HMCN2: variants seen among roughly 807,000 people sequenced by gnomAD.
HMCN2 encodes hemicentin 2, also known as hemicentin-2.
HMCN2 carries 325 observed loss-of-function variants against 377.5 expected under a neutral mutation model. The ratio of observed to expected loss-of-function variants is 0.86; its 90% CI spans 0.79 to 0.94. The LOEUF (loss-of-function observed/expected upper bound fraction) is 0.94. HMCN2 is among the 40% of genes least tolerant of loss of function. HMCN2 has a pLI of 0.00. For synonymous variants in HMCN2, 2,007 were observed against 2,046.8 expected, an observed-to-expected ratio of 0.98 and a Z score of 0.53; for missense variants, 4,543 against 4,725.3, an observed-to-expected ratio of 0.96 and a Z score of 1.13.
rs1331509128 is a variant in HMCN2, at chr9:130,271,973, A to T, written c.259+5836A>T. Among the ~76,000 whole-genome samples the T allele has an allele frequency of 2.7e-5, 4 of 149,224 alleles. No homozygotes were observed. In the Admixed American group the frequency reaches 2.7e-4, roughly 10 times the overall value. ...ATGTATTAGGTATATGGAGAGTCAA[A>T]CCTCTTCCTGTTCCTTATCTAGAAC... is the stretch of plus-strand genomic sequence containing the variant. On this transcript the variant is annotated intron_variant, in intron 1 of 97. Coordinates refer to ENST00000683500, the MANE Select transcript of HMCN2 (RefSeq NM_001291815.2).
In HMCN2 at chr9:130,357,954, G is replaced by A. The variant is rs1219761135; in HGVS notation, c.5546G>A (p.Gly1849Asp). ...PTPSLRWWKD[G>D]VALAAFGGNL... ...CCAAGCCTCCGTTGGTGGAAGGATGGTGTAGCCCTGGCAGCCTTTGGGGGG... is the reference window on the plus strand; with the variant it reads ...CCAAGCCTCCGTTGGTGGAAGGATGATGTAGCCCTGGCAGCCTTTGGGGGG... The change falls in exon 35 of 98, where the codon GGT (glycine) becomes GAT (aspartate). Residue 1849 changes from glycine to aspartate, a missense_variant. Gly to Asp is a moderately conservative substitution (Grantham distance 94, BLOSUM62 -1). This residue lies in a region of HMCN2 where 1,032 missense variants were observed against 1,285.1 expected (regional missense o/e 0.80). Coordinates refer to ENST00000683500, the MANE Select transcript of HMCN2 (RefSeq NM_001291815.2). 14 of 1,304,188 alleles carry A rather than the reference G, an allele frequency of 1.1e-5. No homozygotes were observed. The Admixed American group carries it at 2.1e-4, about 19-fold the overall frequency. The allele number at this position is 1,304,188 out of a possible 1,614,324, so 80.8% of individuals were successfully genotyped here. A position where few individuals can be genotyped will look rare whatever the true frequency, so the allele number is the denominator to read the frequency against.
At chr9:130,305,301 C>T (rs1268999763) in intron 11 of HMCN2, among the ~76,000 whole-genome samples, 2 of 152,124 alleles carry the variant, frequency 1.3e-5, no homozygotes, top group Non-Finnish European at 2.9e-5. Context: ...TCCATTGTTC[C>T]CCACTCCCCA....
At chr9:130,336,311 T>C (rs1838745404) in intron 22 of HMCN2, among the ~76,000 whole-genome samples, 1 of 152,232 alleles carries the variant, frequency 6.6e-6, no homozygotes, top group Non-Finnish European at 1.5e-5. Flanking sequence ...GTGATATAGC[T>C]CGTGATGCAA....
In HMCN2 at chr9:130,395,254, C is replaced by G. The variant is rs757269886; in HGVS notation, c.10818C>G (p.Val3606=). ...IVGPRGPRFV[V]GLAPGQLVLE... is the part of the protein sequence containing the mutation. ...GGCCCCGAGGCCCCCGCTTTGTGGT[C>G]GGCCTGGCCCCAGGGCAGCTGGTCC... The change falls in exon 71 of 98, where the codon GTC becomes GTG. Residue 3606 remains valine, a synonymous_variant. Coordinates refer to ENST00000683500, the MANE Select transcript of HMCN2 (RefSeq NM_001291815.2). 1 of 1,289,526 alleles carries G rather than the reference C, an allele frequency of 7.8e-7. No homozygotes were observed. The highest frequency in any genetic ancestry group is 2.3e-5 in the Admixed American group (1 of 43,544). The allele number at this position is 1,289,526 out of a possible 1,614,324, so 79.9% of individuals were successfully genotyped here.
intron 41 of HMCN2, among the ~76,000 whole-genome samples, chr9:130,365,231 CTG>C (rs1305486500): frequency 6.6e-6 from 1 of 152,272 alleles, no homozygotes; most frequent in African/African-American, 2.4e-5. Context: ...ATGTCAGGAT[CTG>C]AGCCCTGAGG....
intron 59 of HMCN2, among the ~76,000 whole-genome samples, chr9:130,385,253 G>A (rs894962877): frequency 6.6e-6 from 1 of 152,092 alleles, no homozygotes; most frequent in Non-Finnish European, 1.5e-5. Flanking sequence ...AACGGGCCTC[G>A]ACAGAGAGCT....
intron 85 of HMCN2, among the ~76,000 whole-genome samples, chr9:130,413,433 TA>T (rs1217886837): frequency 6.6e-6 from 1 of 152,208 alleles, no homozygotes; most frequent in Non-Finnish European, 1.5e-5. Flanking sequence ...CTTTTGTACC[TA>T]GTGTGTTGAG....
rs78504489 is a variant in HMCN2, at chr9:130,393,005, A to G, written c.10137-207A>G. ...AGTGAGACACCATCTCACCATCTCA[A>G]AAAAAAAAAAGAAAAAGAGAGAGTT... On this transcript the variant is annotated intron_variant, in intron 66 of 97. Transcript: ENST00000683500. This position sits in a 1 kb window ranked among gnomAD's most constrained non-coding sequence, Gnocchi z 5.2. Among the ~76,000 whole-genome samples, 1 of 148,894 alleles carries G rather than the reference A, an allele frequency of 6.7e-6. No individual in the cohort carries two copies. Among genetic ancestry groups the G allele is most frequent in the African/African-American group, 2.4e-5 (1 of 40,866 alleles).
rs2131396537 is a variant in HMCN2 at position 130,319,653 on chromosome 9, A to C, written c.2509A>C (p.Ser837Arg). ...LGLRLGAGRGSRSRQPDSGVL... is the reference protein window; with the variant it reads ...LGLRLGAGRGRRSRQPDSGVL... ...ACTCAGGCTGGGGGCCGGGCGAGGC[A>C]GTAGGTCTCGGCAGCCGGATTCGGG... Residue 837 changes from serine (S) to arginine (R), a missense_variant, in exon 16 of 98, where the codon AGT becomes CGT. Physicochemically the swap from Ser to Arg is moderately radical, Grantham distance 110. This residue lies in a region of HMCN2 where 547 missense variants were observed against 189.9 expected (regional missense o/e 2.88). Transcript: ENST00000683500. 6.6e-6 allele frequency: 1 copy of C among 152,020 alleles called. No homozygotes were observed. The highest frequency in any genetic ancestry group is 1.9e-4 in the East Asian group (1 of 5,166). 9.4% of individuals were successfully genotyped at this position (152,020 alleles called of 1,614,324 possible). A position where few individuals can be genotyped will look rare whatever the true frequency, so the allele number is the denominator to read the frequency against.
chr9:130,410,573 G>T lies in HMCN2; in HGVS notation c.12882G>T (p.Arg4294Ser). 1 of 1,550,544 alleles carries T rather than the reference G, an allele frequency of 6.4e-7. No individual in the cohort carries two copies. Among genetic ancestry groups the T allele is most frequent in the Non-Finnish European group, 8.7e-7 (1 of 1,146,990 alleles). Residue 4294 changes from arginine (R) to serine (S), a missense_variant and splice_region_variant, in exon 85 of 98, where the codon AGG (arginine) becomes AGT (serine). Coordinates refer to ENST00000683500, the MANE Select transcript of HMCN2 (RefSeq NM_001291815.2). ...NGSLTIRRTE[R>S]DDAGRYQCLA... ...TCCTCTCCTGTGCCCACTTGCAGAG[G>T]GACGATGCGGGACGGTACCAGTGCC...
chr9:130,405,082 AC>A, intron 81 of HMCN2, 23 bp downstream of exon 81: 1 of 1,265,864 alleles, frequency 7.9e-7, no homozygotes, highest in Non-Finnish European at 1.0e-6. Context: ...CCCAAGGGGC[AC>A]AGCAGGGAAT....
At chr9:130,415,180 CA>C (rs1197941202) in intron 85 of HMCN2, among the ~76,000 whole-genome samples, 1 of 152,142 alleles carries the variant, frequency 6.6e-6, no homozygotes, top group Admixed American at 6.5e-5. Context: ...GGCAGTGTTC[CA>C]GGTCTGCTAA....
chr9:130,376,045 AG>A (rs35470390), intron 51 of HMCN2, 56 bp downstream of exon 51: 1 of 785,918 alleles, frequency 1.3e-6, no homozygotes, highest in Non-Finnish European at 1.5e-6. Flanking sequence ...CCGGGAACCT[AG>A]GGGCCCAGGC....
chr9:130,374,394 C>A, intron 48 of HMCN2, 108 bp from the exon 49 acceptor site: 1 of 482,640 alleles, frequency 2.1e-6, no homozygotes, highest in Non-Finnish European at 2.7e-6. Context: ...GGCCTCTGGG[C>A]CGGAATGGAA....
chr9:130,348,351 G>C, intron 26 of HMCN2, 194 bp from the exon 27 acceptor site: 1 of 740,138 alleles, frequency 1.4e-6, no homozygotes, highest in Non-Finnish European at 1.7e-6. Context: ...CACGACTGGG[G>C]GTGTGTGGGT....
chr9:130,311,163 C>T (rs891486689), intron 15 of HMCN2, among the ~76,000 whole-genome samples: 3 of 152,186 alleles, frequency 2.0e-5, no homozygotes, highest in Admixed American at 2.0e-4. Context: ...TTTGCCGAGG[C>T]CACGGCGAGA....
At position 130,425,101 on chromosome 9, in the gene HMCN2, A is replaced by C; in HGVS notation, c.13612A>C (p.Ser4538Arg). 1 of 1,549,712 alleles carries C rather than the reference A, an allele frequency of 6.5e-7. No individual in the cohort carries two copies. Among genetic ancestry groups the C allele is most frequent in the East Asian group, 2.4e-5 (1 of 40,888 alleles). The part of the protein sequence containing the change: ...DVVVNGVVPE[S>R]LADADLQVQD... ...GGTGGTCAATGGCGTTGTCCCCGAGAGCCTGGCTGACGCAGATCTTCAAGT... is the reference window on the plus strand; with the variant it reads ...GGTGGTCAATGGCGTTGTCCCCGAGCGCCTGGCTGACGCAGATCTTCAAGT... The change falls in exon 89 of 98, where the codon AGC becomes CGC. Residue 4538 changes from serine (S) to arginine (R), a missense_variant. Ser to Arg is a moderately radical substitution (Grantham distance 110). Transcript: ENST00000683500.
chr9:130,368,452 C>G lies in HMCN2; in HGVS notation c.6787+15C>G, dbSNP rs529890337. 2.0e-6 allele frequency: 2 copies of G among 985,624 alleles called. No homozygotes were observed. Among genetic ancestry groups the G allele is most frequent in the Non-Finnish European group, 2.4e-6 (2 of 829,940 alleles). The allele number at this position is 985,624 out of a possible 1,614,324, so 61.1% of individuals were successfully genotyped here. A position where few individuals can be genotyped will look rare whatever the true frequency, so the allele number is the denominator to read the frequency against. ...GGAGGTGCACGGTGGGTGAGCTGGG[C>G]GGGGGCTGGAAGGGTCTGGGATCAT... On this transcript the variant is annotated intron_variant, in intron 44 of 97. Coordinates refer to ENST00000683500, the MANE Select transcript of HMCN2 (RefSeq NM_001291815.2).
chr9:130,316,375 T>G (rs1837562018), intron 15 of HMCN2, among the ~76,000 whole-genome samples: 3 of 133,572 alleles, frequency 2.2e-5, no homozygotes, highest in African/African-American at 8.7e-5. Context: ...GGGGTGGGGG[T>G]GCTGCCCTGG....
Sources: gnomAD v4.1 joint callset for allele counts (sites outside exome capture counted in the v4.1 genomes callset) on GRCh38, gnomAD v4.1.1 for gene constraint, gnomAD v4.1.1 regional missense constraint, Gnocchi (gnomAD v3.1) non-coding constraint, MANE v1.5 for transcripts, NCBI Gene and HGNC (gene_info 2026-07-23, HGNC 2026-07-21) for gene names.